Variants in SORT1 observed in about 807,000 individuals in gnomAD.
SORT1 encodes sortilin 1.
A neutral mutation model predicts 101.7 loss-of-function variants in SORT1; 39 were observed. The ratio of observed to expected loss-of-function variants is 0.38; its 90% CI spans 0.30 to 0.50. The LOEUF (loss-of-function observed/expected upper bound fraction) is 0.50, where lower values mean the gene tolerates loss of function less well. Ranked by LOEUF, SORT1 falls within the 20% of genes least tolerant of loss-of-function variation. The pLI is 0.90. For missense variants in SORT1, 878 were observed against 1,040.4 expected (o/e 0.84, Z 2.15); for synonymous variants, 396 against 393.7 (o/e 1.01, Z -0.07).
chr1:109,351,981 TG>T (rs1649999269), intron 5 of SORT1, among the ~76,000 whole-genome samples: 19 of 151,738 alleles, frequency 1.3e-4, no homozygotes, highest in Non-Finnish European at 2.7e-4. Flanking sequence ...TGTGTGTGTG[TG>T]TGTGTGTGTG....
intron 12 of SORT1, 139 bp downstream of exon 12, chr1:109,327,360 T>C (rs906838973): frequency 1.4e-6 from 1 of 712,194 alleles, no homozygotes; most frequent in Admixed American, 3.2e-5. Context: ...CAAAGTGTTG[T>C]TATAATGTAA....
chr1:109,355,925 G>A (rs146596217), intron 3 of SORT1, among the ~76,000 whole-genome samples: 19 of 151,992 alleles, frequency 1.3e-4, no homozygotes, highest in Admixed American at 1.2e-3. Flanking sequence ...ACCCAGGCTG[G>A]AGTGCAGTGA....
chr1:109,391,483 C>T (rs527775375), intron 1 of SORT1, among the ~76,000 whole-genome samples: 1 of 152,256 alleles, frequency 6.6e-6, no homozygotes, highest in East Asian at 1.9e-4. Context: ...AATCGAGGGC[C>T]AGAGACTAAA....
At chr1:109,324,467 T>C (rs112628355) in intron 14 of SORT1, among the ~76,000 whole-genome samples, 224 of 152,270 alleles carry the variant, frequency 1.5e-3, no homozygotes, top group African/African-American at 5.1e-3. Context: ...AATGCCAGCA[T>C]CTTTGTTTGG....
At chr1:109,365,332 C>G (rs1373557157) in intron 3 of SORT1, among the ~76,000 whole-genome samples, 1 of 152,202 alleles carries the variant, frequency 6.6e-6, no homozygotes, top group Non-Finnish European at 1.5e-5. Flanking sequence ...AAGAGATGCT[C>G]CTACCTCAGT....
chr1:109,350,100 AC>A (rs1219446878), intron 6 of SORT1, among the ~76,000 whole-genome samples: 1 of 152,174 alleles, frequency 6.6e-6, no homozygotes, highest in African/African-American at 2.4e-5. Flanking sequence ...TAATGCTGTT[AC>A]GTGCTTATTG....
chr1:109,379,645 G>A (rs1234955528), intron 1 of SORT1, among the ~76,000 whole-genome samples: 1 of 152,228 alleles, frequency 6.6e-6, no homozygotes, highest in Non-Finnish European at 1.5e-5. Context: ...AAGCCAAGAA[G>A]TTTAAGAGTA....
At chr1:109,377,729 G>T (rs1651955823) in intron 1 of SORT1, among the ~76,000 whole-genome samples, 1 of 152,202 alleles carries the variant, frequency 6.6e-6, no homozygotes, top group Non-Finnish European at 1.5e-5. Context: ...TGACTACTGA[G>T]ATTTAAGCAG....
chr1:109,392,404 C>G (rs1652969148), intron 1 of SORT1, among the ~76,000 whole-genome samples: 1 of 152,160 alleles, frequency 6.6e-6, no homozygotes, highest in Non-Finnish European at 1.5e-5. Context: ...CATGAAAGAT[C>G]TGATCAAAAC....
intron 11 of SORT1, among the ~76,000 whole-genome samples, chr1:109,331,713 A>G (rs1199946943): frequency 6.6e-6 from 1 of 152,128 alleles, no homozygotes; most frequent in Non-Finnish European, 1.5e-5. Flanking sequence ...AAAAACAAAA[A>G]GCATCCAAAC....
intron 9 of SORT1, among the ~76,000 whole-genome samples, 176 bp downstream of exon 9, chr1:109,341,838 G>A (rs1649247944): frequency 6.6e-6 from 1 of 152,128 alleles, no homozygotes; most frequent in African/African-American, 2.4e-5. Flanking sequence ...ATACACACAA[G>A]CTACCAAAAC....
At chr1:109,375,923 A>G (rs1651803263) in intron 1 of SORT1, among the ~76,000 whole-genome samples, 1 of 152,196 alleles carries the variant, frequency 6.6e-6, no homozygotes, top group South Asian at 2.1e-4. Flanking sequence ...AAGAATGACT[A>G]TTACTAAAAC....
Position 109,340,733 on chromosome 1 carries a change from G to GCA in SORT1, c.1253_1254dup (p.Leu419CysfsTer11). The GCA allele has an allele frequency of 6.2e-7, 1 of 1,614,138 alleles. No homozygotes were observed. The highest frequency in any genetic ancestry group is 8.5e-7 in the Non-Finnish European group (1 of 1,180,016). On this transcript the variant is annotated frameshift_variant, in exon 10 of 20. Transcript: ENST00000256637. LOFTEE classifies it high-confidence loss of function. ...CGATGCCGAGACTCACCTTCGGAGA[G>GCA]CACGCTTGTTATGTAGACGCCGCGG... is the stretch of plus-strand genomic sequence containing the variant.
intron 1 of SORT1, 25 bp from the exon 2 acceptor site, chr1:109,369,614 T>C: frequency 6.9e-7 from 1 of 1,455,598 alleles, no homozygotes; most frequent in Non-Finnish European, 9.7e-7. Flanking sequence ...AAAATTAATT[T>C]AGAAATGACA....
At chr1:109,355,165 G>A (rs761568917) in intron 4 of SORT1, among the ~76,000 whole-genome samples, 3 of 152,154 alleles carry the variant, frequency 2.0e-5, no homozygotes, top group Admixed American at 6.5e-5. Flanking sequence ...AGGCTGCAGC[G>A]AGCCGTGACG....
In SORT1 at chr1:109,335,734, C is replaced by T. The variant is rs991647140; in HGVS notation, c.1371+506G>A. ...TCCTGGAGTGACACCTGCGTAGTTC[C>T]GGTTCCCAAACTCTCTGCAACAGGG... On this transcript the variant is annotated intron_variant, in intron 11 of 19. Coordinates refer to ENST00000256637, the MANE Select transcript of SORT1 (RefSeq NM_002959.7). 1.1e-4 allele frequency among the ~76,000 whole-genome samples: 16 copies of T among 152,114 alleles called. 1 individual carries two copies. The highest frequency in any genetic ancestry group is 7.2e-4 in the Admixed American group (11 of 15,282).
At chr1:109,351,968 GT>G (rs1557803654) in intron 5 of SORT1, among the ~76,000 whole-genome samples, 665 of 16,090 alleles carry the variant, frequency 0.041, 4 homozygotes, top group South Asian at 0.25. Flanking sequence ...AGGTAGGGGT[GT>G]GTGTGTGTGT....
Position 109,342,144 on chromosome 1 carries a change from C to G in SORT1, c.978G>C (p.Arg326Ser), listed in dbSNP as rs763051901. 1.2e-6 allele frequency: 2 copies of G among 1,612,338 alleles called. No homozygotes were observed. Among genetic ancestry groups the G allele is most frequent in the Non-Finnish European group, 1.7e-6 (2 of 1,178,646 alleles). Residue 326 changes from arginine (R) to serine (S), a missense_variant, in exon 9 of 20, where the codon AGG becomes AGC. By Grantham distance (110) the Arg-to-Ser change is moderately radical. This residue lies in a region of SORT1 where 684 missense variants were observed against 894.5 expected (regional missense o/e 0.76). Transcript: ENST00000256637. ...SVMADKDTTR[R>S]IHVSTDQGDT... ...CCCCTTGATCTGTTGAAACGTGGAT[C>G]CTTCTTGTTGTATCCTAGAACAGAT...
intron 3 of SORT1, among the ~76,000 whole-genome samples, chr1:109,362,104 T>C (rs768122385): frequency 5.9e-5 from 9 of 152,170 alleles, no homozygotes; most frequent in Non-Finnish European, 2.9e-5. Context: ...GAGACAAGCC[T>C]TGTTTGGGCA....
Sources: gnomAD v4.1 joint callset for allele counts (sites outside exome capture counted in the v4.1 genomes callset) on GRCh38, gnomAD v4.1.1 for gene constraint, gnomAD v4.1.1 regional missense constraint, MANE v1.5 for transcripts, NCBI Gene and HGNC (gene_info 2026-07-23, HGNC 2026-07-21) for gene names.